DCUN1D1: variants seen among roughly 807,000 people sequenced by gnomAD.
DCUN1D1 encodes defective in cullin neddylation 1 domain containing 1.
In DCUN1D1, 3 loss-of-function variants were observed where a neutral mutation model predicts 39.0. The observed-to-expected ratio is 0.08, with a 90% CI of 0.04 to 0.20. The LOEUF (loss-of-function observed/expected upper bound fraction) is 0.20. Among genes scored for constraint, DCUN1D1 ranks in the 10% least tolerant of loss-of-function variants. DCUN1D1 has a pLI of 1.00. For synonymous variants in DCUN1D1, 82 were observed against 96.3 expected (o/e 0.85, Z 0.87); for missense variants, 158 against 302.4 (o/e 0.52, Z 3.54).
intron 1 of DCUN1D1, among the ~76,000 whole-genome samples, 163 bp downstream of exon 1, chr3:182,980,324 G>A (rs976870688): frequency 2.0e-5 from 3 of 151,712 alleles, no homozygotes; most frequent in African/African-American, 7.2e-5. Flanking sequence ...GAAGGAGGAA[G>A]GGAGAGGCAG....
intron 4 of DCUN1D1, among the ~76,000 whole-genome samples, chr3:182,959,803 G>A (rs1727290279): frequency 6.6e-6 from 1 of 152,150 alleles, no homozygotes; most frequent in Admixed American, 6.5e-5. Context: ...GAGGCCTGGT[G>A]GGCAGCATTT....
intron 1 of DCUN1D1, among the ~76,000 whole-genome samples, chr3:182,974,487 A>T (rs1362350873): frequency 1.3e-5 from 2 of 151,458 alleles, no homozygotes; most frequent in African/African-American, 4.8e-5. Flanking sequence ...AAAAAAACCA[A>T]CACACAAAAA....
rs755909007 is a variant in DCUN1D1, at chr3:182,961,363, C to T, written c.390-7G>A. Reference sequence around the variant, plus strand: ...TTTTTCTATGCTGTCACATCTGCGTCGTAAAATTAAGTTTATAAAAGATTA... The same window carrying T: ...TTTTTCTATGCTGTCACATCTGCGTTGTAAAATTAAGTTTATAAAAGATTA... On this transcript the variant is annotated splice_region_variant and splice_polypyrimidine_tract_variant and intron_variant, in intron 3 of 6. Coordinates refer to ENST00000292782, the MANE Select transcript of DCUN1D1 (RefSeq NM_020640.4). 1.4e-5 allele frequency: 22 copies of T among 1,578,946 alleles called. No individual in the cohort carries two copies. The highest frequency in any genetic ancestry group is 1.4e-4 in the East Asian group (6 of 43,644).
Position 182,943,339 on chromosome 3 carries a change from A to G in DCUN1D1, c.*1755T>C, listed in dbSNP as rs935637025. ...ATCAGGAAATACTGAAAGCAGCAAG[A>G]TTCTTCTTTTTCCTTTTTCTTTTAA... On this transcript the variant is annotated 3_prime_UTR_variant, in exon 7 of 7. Transcript: ENST00000292782. 6.6e-6 allele frequency: 1 copy of G among 151,780 alleles called. No homozygotes were observed. The highest frequency in any genetic ancestry group is 1.5e-5 in the Non-Finnish European group (1 of 67,796). 9.4% of individuals were successfully genotyped at this position (151,780 alleles called of 1,614,324 possible). A position where few individuals can be genotyped will look rare whatever the true frequency, so the allele number is the denominator to read the frequency against.
At position 182,965,573 on chromosome 3, in the gene DCUN1D1, T is replaced by C; in HGVS notation, c.184A>G (p.Arg62Gly). 6.2e-7 allele frequency: 1 copy of C among 1,613,776 alleles called. No individual in the cohort carries two copies. Among genetic ancestry groups the C allele is most frequent in the Non-Finnish European group, 8.5e-7 (1 of 1,179,748 alleles). The stretch of plus-strand genomic sequence containing the variant: ...TTGTACAGCTGTTCTAACTTCTTCC[T>C]GTCCAATGATCCTTTTACACTCTCT... Reference protein sequence around the residue: ...IRESVKGSLDRKKLEQLYNRY... With the variant: ...IRESVKGSLDGKKLEQLYNRY... The change falls in exon 2 of 7, where the codon AGG (arginine) becomes GGG (glycine). Residue 62 changes from arginine (R) to glycine (G), a missense_variant. By Grantham distance (125) the Arg-to-Gly change is moderately radical. Around this residue, in one of 4 missense-constraint regions of DCUN1D1, gnomAD observed 107 missense variants for 174.7 expected, o/e 0.61. Transcript: ENST00000292782.
Position 182,942,392 on chromosome 3 carries a change from T to C in DCUN1D1, c.*2702A>G, listed in dbSNP as rs1170787362. The stretch of plus-strand genomic sequence containing the variant: ...CATGGCAATTTCACTGCAGCTTTTA[T>C]TGCCTCTGTTGGTAATATGACAGGG... On this transcript the variant is annotated 3_prime_UTR_variant, in exon 7 of 7. Transcript: ENST00000292782. 1 of 152,148 alleles carries C rather than the reference T, an allele frequency of 6.6e-6. No individual in the cohort carries two copies. Among genetic ancestry groups the C allele is most frequent in the Non-Finnish European group, 1.5e-5 (1 of 68,002 alleles). 9.4% of individuals were successfully genotyped at this position (152,148 alleles called of 1,614,324 possible).
At position 182,945,103 on chromosome 3, in the gene DCUN1D1, T is replaced by C. The variant is rs1473253170; in HGVS notation, c.771A>G (p.Thr257=). 1.2e-6 allele frequency: 2 copies of C among 1,613,044 alleles called. No homozygotes were observed. Among genetic ancestry groups the C allele is most frequent in the Admixed American group, 1.7e-5 (1 of 59,976 alleles). ...GAAGGTTCCTTTAGTGCTACACTGT[T>C]GTACTTTTTGTCCCAGCAATTTGAG... The part of the protein sequence containing the change: ...ARPQIAGTKS[T]TV The change falls in exon 7 of 7, where the codon ACA becomes ACG. Residue 257 remains threonine, a synonymous_variant. Transcript: ENST00000292782.
At chr3:182,978,895 A>C (rs900118855) in intron 1 of DCUN1D1, among the ~76,000 whole-genome samples, 1 of 152,194 alleles carries the variant, frequency 6.6e-6, no homozygotes, top group African/African-American at 2.4e-5. Context: ...TGAATTCCTG[A>C]ACAGGTGATG....
upstream of DCUN1D1, among the ~76,000 whole-genome samples, chr3:182,982,560 G>T (rs1021345596): frequency 6.6e-6 from 1 of 152,016 alleles, no homozygotes; most frequent in Non-Finnish European, 1.5e-5. Flanking sequence ...CCCTTACTCC[G>T]CATCTCACCA....
chr3:182,980,467 G>A lies in DCUN1D1; in HGVS notation c.3+20C>T. ...CCGGCCCCCAGCCGGCAGGGCGGGC[G>A]GGCGGCCGCAGTGCCTCACCATGTT... On this transcript the variant is annotated intron_variant, in intron 1 of 6. Coordinates refer to ENST00000292782, the MANE Select transcript of DCUN1D1 (RefSeq NM_020640.4). 8.5e-7 allele frequency: 1 copy of A among 1,172,232 alleles called. No homozygotes were observed. The highest frequency in any genetic ancestry group is 1.1e-6 in the Non-Finnish European group (1 of 937,778). 72.6% of individuals were successfully genotyped at this position (1,172,232 alleles called of 1,614,324 possible).
rs900801121 is a variant in DCUN1D1 at position 182,942,000 on chromosome 3, CATTT to C, written c.*3090_*3093del. ...ATAAAAAATAAATGAACACTTCATT[CATTT>C]AAGTCTGAGGAAAAAATAGTGTACC... On this transcript the variant is annotated 3_prime_UTR_variant, in exon 7 of 7. Transcript: ENST00000292782. 9.2e-5 allele frequency: 14 copies of C among 152,168 alleles called. No homozygotes were observed. The highest frequency in any genetic ancestry group is 2.6e-4 in the Admixed American group (4 of 15,270). The allele number at this position is 152,168 out of a possible 1,614,324, so 9.4% of individuals were successfully genotyped here. A position where few individuals can be genotyped will look rare whatever the true frequency, so the allele number is the denominator to read the frequency against.
At chr3:182,947,421 C>A (rs1726470652) in intron 5 of DCUN1D1, 87 bp from the exon 6 acceptor site, 1 of 1,128,584 alleles carries the variant, frequency 8.9e-7, no homozygotes, top group South Asian at 1.4e-5. Context: ...TACAAGAATG[C>A]AAAACAATTA....
In DCUN1D1 at chr3:182,944,097, TATC is replaced by T. The variant is rs1168560422; in HGVS notation, c.*994_*996del. 6.6e-6 allele frequency: 1 copy of T among 152,640 alleles called. No individual in the cohort carries two copies. Among genetic ancestry groups the T allele is most frequent in the Non-Finnish European group, 1.5e-5 (1 of 68,032 alleles). The allele number at this position is 152,640 out of a possible 1,614,324, so 9.5% of individuals were successfully genotyped here. ...ACCATTTTCAAAATTTAACTGCAAC[TATC>T]TTCTTATAAATTAAGAGAATTCCAT... On this transcript the variant is annotated 3_prime_UTR_variant, in exon 7 of 7. Coordinates refer to ENST00000292782, the MANE Select transcript of DCUN1D1 (RefSeq NM_020640.4).
chr3:182,977,681 AC>A (rs991438057), intron 1 of DCUN1D1, among the ~76,000 whole-genome samples: 5 of 151,664 alleles, frequency 3.3e-5, no homozygotes, highest in Non-Finnish European at 7.4e-5. Flanking sequence ...TGATCCGCCC[AC>A]CTTGGCCTCC....
chr3:182,946,416 A>C (rs927947745), intron 6 of DCUN1D1, among the ~76,000 whole-genome samples: 3 of 151,904 alleles, frequency 2.0e-5, no homozygotes, highest in African/African-American at 7.2e-5. Flanking sequence ...AATTAGGTGA[A>C]CGTGGTGGCA....
In DCUN1D1 at chr3:182,959,297, G is replaced by A. The variant is rs149677186; in HGVS notation, c.520+1929C>T. 1.6e-3 allele frequency among the ~76,000 whole-genome samples: 250 copies of A among 152,122 alleles called. 2 individuals carry two copies. Among genetic ancestry groups the A allele is most frequent in the African/African-American group, 5.8e-3 (239 of 41,514 alleles). ...ATGTTATGAATCTTTCATCAATTCAGTCATGTTTAGTAACTCGTGGGGCCA... is the reference window on the plus strand; with the variant it reads ...ATGTTATGAATCTTTCATCAATTCAATCATGTTTAGTAACTCGTGGGGCCA... On this transcript the variant is annotated intron_variant, in intron 4 of 6. Transcript: ENST00000292782.
intron 6 of DCUN1D1, among the ~76,000 whole-genome samples, chr3:182,945,977 G>C (rs1726377552): frequency 6.6e-6 from 1 of 152,088 alleles, no homozygotes; most frequent in Non-Finnish European, 1.5e-5. Flanking sequence ...TCCCTGATTA[G>C]CCTTAATGAT....
chr3:182,957,739 C>G (rs1727152552), intron 4 of DCUN1D1, among the ~76,000 whole-genome samples: 1 of 151,750 alleles, frequency 6.6e-6, no homozygotes, highest in Non-Finnish European at 1.5e-5. Flanking sequence ...AAAAAATAAC[C>G]AGGCTGGGTA....
chr3:182,976,829 C>T (rs944902737), intron 1 of DCUN1D1, among the ~76,000 whole-genome samples: 7 of 152,100 alleles, frequency 4.6e-5, no homozygotes, highest in Non-Finnish European at 7.3e-5. Context: ...ACACAGCAGA[C>T]GTATAATAAT....
Sources: gnomAD v4.1 joint callset for allele counts (sites outside exome capture counted in the v4.1 genomes callset) on GRCh38, gnomAD v4.1.1 for gene constraint, gnomAD v4.1.1 regional missense constraint, MANE v1.5 for transcripts, NCBI Gene and HGNC (gene_info 2026-07-23, HGNC 2026-07-21) for gene names.